The following TRMT2B variants were observed in gnomAD, a reference collection of about 807,000 sequenced individuals.
TRMT2B encodes tRNA methyltransferase 2B, also known as tRNA (uracil-5-)-methyltransferase homolog B.
In TRMT2B, 34 loss-of-function variants were observed where a neutral mutation model predicts 39.7. That is an observed-to-expected ratio of 0.86 (90% CI 0.65 to 1.14). TRMT2B has a LOEUF of 1.14. Ranked by LOEUF, TRMT2B falls within the 50% of genes most tolerant of loss-of-function variation. The probability of loss-of-function intolerance (pLI) is 0.00; values close to 1 mark genes in which losing one functional copy is unlikely to be tolerated. For synonymous variants in TRMT2B, 132 were observed against 137.3 expected (o/e 0.96, Z 0.27); for missense variants, 318 against 377.2 (o/e 0.84, Z 1.30).
the TRMT2B span, among the ~76,000 whole-genome samples, chrX:100,976,172 C>T: frequency 2.7e-5 from 3 of 109,385 alleles, no homozygotes; most frequent in East Asian, 2.9e-4. Flanking sequence ...TCTAGAGCCC[C>T]AACTCAACCT....
At chrX:101,037,884 T>C (rs1727378210) in intron 5 of TRMT2B, 33 bp downstream of exon 5, 1 of 1,197,894 alleles carries the variant, frequency 8.3e-7, no homozygotes, top group African/African-American at 1.7e-5. Flanking sequence ...TAAGGGGCCT[T>C]AATAGATAAG....
At chrX:101,035,337 C>T (rs1247446632) in intron 7 of TRMT2B, among the ~76,000 whole-genome samples, 1 of 112,145 alleles carries the variant, frequency 8.9e-6, no homozygotes, top group Non-Finnish European at 1.9e-5. Context: ...CTATAGTACC[C>T]TCATCAGCAC....
chrX:100,978,934 C>T, the TRMT2B span, among the ~76,000 whole-genome samples: 1 of 110,471 alleles, frequency 9.1e-6, no homozygotes, highest in East Asian at 2.8e-4. Context: ...CACCCACTGC[C>T]CCCTGGAAAC....
At chrX:101,015,786 C>A (rs756005550) in intron 13 of TRMT2B, 46 of 149,833 alleles carry the variant, frequency 3.1e-4, no homozygotes, top group Non-Finnish European at 4.0e-4. Context: ...AATTTGCATA[C>A]CATGCCGGGC....
the TRMT2B span, among the ~76,000 whole-genome samples, chrX:100,981,972 C>G: frequency 9.1e-6 from 1 of 109,871 alleles, no homozygotes; most frequent in Non-Finnish European, 1.9e-5. Flanking sequence ...GCCGCCATCT[C>G]CAAGTCATTA....
chrX:101,001,402 A>AT, the TRMT2B span, among the ~76,000 whole-genome samples: 42 of 109,594 alleles, frequency 3.8e-4, no homozygotes, highest in African/African-American at 1.1e-3. Flanking sequence ...TGCCTGGAAA[A>AT]TTTTTTTGTG....
intron 7 of TRMT2B, among the ~76,000 whole-genome samples, chrX:101,030,454 C>CTTTTTTTTTTTTTTTTTTTTTT (rs1331923176): frequency 2.8e-5 from 2 of 71,863 alleles, no homozygotes; most frequent in Non-Finnish European, 5.0e-5. Flanking sequence ...GATCTGCATT[C>CTTTTTTTTTTTTTTTTTTTTTT]TTTTTTTTTT....
At chrX:101,022,640 C>A (rs1358575441) in intron 8 of TRMT2B, among the ~76,000 whole-genome samples, 16 of 102,290 alleles carry the variant, frequency 1.6e-4, no homozygotes, top group African/African-American at 5.7e-4. Context: ...AAAAAAAAAT[C>A]AAAAAAATTA....
chrX:101,045,528 G>C (rs1384644021), intron 2 of TRMT2B, among the ~76,000 whole-genome samples: 1 of 109,127 alleles, frequency 9.2e-6, no homozygotes, highest in Non-Finnish European at 1.9e-5. Flanking sequence ...CCAGCACTTT[G>C]GGAGACTGAG....
the TRMT2B span, among the ~76,000 whole-genome samples, chrX:101,001,461 C>A: frequency 1.8e-5 from 2 of 110,337 alleles, no homozygotes; most frequent in African/African-American, 6.6e-5. Context: ...GTCTCAAACT[C>A]CTGGATGCAA....
At chrX:101,041,189 G>T in intron 4 of TRMT2B, 128 bp downstream of exon 4, 1 of 540,309 alleles carries the variant, frequency 1.9e-6, no homozygotes, top group Non-Finnish European at 2.9e-6. Flanking sequence ...GGGCGACAGA[G>T]CGAGACTCCA....
At chrX:101,025,134 G>C (rs2087000304) in intron 7 of TRMT2B, among the ~76,000 whole-genome samples, 1 of 111,600 alleles carries the variant, frequency 9.0e-6, no homozygotes. Flanking sequence ...AAAATTTTAT[G>C]AATGACTGAA....
At chrX:100,974,366 G>C in the TRMT2B span, among the ~76,000 whole-genome samples, 1 of 103,532 alleles carries the variant, frequency 9.7e-6, no homozygotes, top group East Asian at 3.1e-4. Context: ...ATCTCTCTCT[G>C]TCTCTCTCTC....
chrX:101,043,730 C>T (rs5921712), intron 2 of TRMT2B: 3,987 of 111,776 alleles, frequency 0.036, 72 homozygotes, highest in Non-Finnish European at 0.058. Flanking sequence ...TAAAGGATGG[C>T]AGAGAGATGA....
intron 7 of TRMT2B, among the ~76,000 whole-genome samples, chrX:101,028,721 T>A (rs2087267718): frequency 1.8e-5 from 2 of 111,968 alleles, no homozygotes; most frequent in Non-Finnish European, 3.8e-5. Context: ...TTTGGCTCTA[T>A]GTCCCCACCC....
the TRMT2B span, among the ~76,000 whole-genome samples, chrX:100,995,048 C>A: frequency 1.8e-5 from 2 of 112,175 alleles, no homozygotes; most frequent in Non-Finnish European, 3.8e-5. Flanking sequence ...CAACATCACT[C>A]TTCTCAGGAG....
At chrX:101,014,846 C>T (rs2086437112) in intron 13 of TRMT2B, among the ~76,000 whole-genome samples, 1 of 110,649 alleles carries the variant, frequency 9.0e-6, no homozygotes, top group Non-Finnish European at 1.9e-5. Flanking sequence ...CCAAATTCTA[C>T]ACTTTAAGTG....
intron 3 of TRMT2B, 63 bp from the exon 4 acceptor site, chrX:101,041,434 C>CA: frequency 9.7e-7 from 1 of 1,033,179 alleles, no homozygotes; most frequent in African/African-American, 1.9e-5. Context: ...GCCTACTATG[C>CA]ATAAGTACTT....
At chrX:101,024,230 CAAG>C (rs1408630631) in intron 7 of TRMT2B, among the ~76,000 whole-genome samples, 1 of 111,434 alleles carries the variant, frequency 9.0e-6, no homozygotes, top group Non-Finnish European at 1.9e-5. Flanking sequence ...GTGGACACAG[CAAG>C]AAGGTGTCTA....
Sources: gnomAD v4.1 joint callset for allele counts (sites outside exome capture counted in the v4.1 genomes callset) on GRCh38, gnomAD v4.1.1 for gene constraint, MANE v1.5 for transcripts, NCBI Gene and HGNC (gene_info 2026-07-23, HGNC 2026-07-21) for gene names.